The following HPSE2 variants were observed in gnomAD, a reference collection of about 807,000 sequenced individuals.
The protein encoded by HPSE2 is heparanase 2 (inactive).
Under a neutral mutation model 60.5 loss-of-function variants are expected in HPSE2, and 38 were observed. The observed-to-expected ratio is 0.63, with a 90% CI of 0.48 to 0.82. HPSE2 has a LOEUF of 0.82. Among genes scored for constraint, HPSE2 ranks in the 40% least tolerant of loss-of-function variants. The probability of loss-of-function intolerance (pLI) is 0.00; values close to 1 mark genes in which losing one functional copy is unlikely to be tolerated. For synonymous variants in HPSE2, 295 were observed against 293.2 expected, an observed-to-expected ratio of 1.01 and a Z score of -0.06; for missense variants, 713 against 740.4, an observed-to-expected ratio of 0.96 and a Z score of 0.43.
chr10:99,171,786 G>A (rs1381486323), intron 2 of HPSE2, among the ~76,000 whole-genome samples: 2 of 151,932 alleles, frequency 1.3e-5, no homozygotes, highest in Non-Finnish European at 2.9e-5. Flanking sequence ...CTTGGATTAT[G>A]GCATCAATAG....
chr10:98,579,186 G>A (rs1314617981), intron 9 of HPSE2, among the ~76,000 whole-genome samples: 1 of 152,098 alleles, frequency 6.6e-6, no homozygotes, highest in African/African-American at 2.4e-5. Flanking sequence ...AGTCCCATAA[G>A]TAAAGAAGGA....
chr10:99,040,981 G>A (rs544459590), intron 3 of HPSE2, among the ~76,000 whole-genome samples: 4 of 152,052 alleles, frequency 2.6e-5, no homozygotes, highest in South Asian at 2.1e-4. Context: ...CAGCTACTCC[G>A]GAGGCCGAGG....
chr10:98,615,145 A>G (rs1238721253), intron 8 of HPSE2, 127 bp from the exon 9 acceptor site: 2 of 697,854 alleles, frequency 2.9e-6, no homozygotes, highest in African/African-American at 3.6e-5. Flanking sequence ...CTAGTACTTT[A>G]AAAAGGGTTA....
chr10:98,721,819 T>C lies in HPSE2; in HGVS notation c.794A>G (p.Asn265Ser), dbSNP rs1262932417. 7 of 1,613,376 alleles carry C rather than the reference T, an allele frequency of 4.3e-6. No individual in the cohort carries two copies. The highest frequency in any genetic ancestry group is 1.7e-5 in the Admixed American group (1 of 59,926). Residue 265 changes from asparagine (N) to serine (S), a missense_variant, in exon 5 of 12, where the codon AAC (asparagine) becomes AGC (serine). Coordinates refer to ENST00000370552, the MANE Select transcript of HPSE2 (RefSeq NM_021828.5). ...ISWELGNEPNNYRTMHGRAVN... is the reference protein window; with the variant it reads ...ISWELGNEPNSYRTMHGRAVN... The stretch of plus-strand genomic sequence containing the variant: ...TGCCCGGCCATGCATGGTCCGATAG[T>C]TATTTGGCTCTAGATTAAAAGCAGA...
Position 98,982,386 on chromosome 10 carries a change from T to C in HPSE2, c.610+161852A>G, listed in dbSNP as rs138090441. On this transcript the variant is annotated intron_variant, in intron 3 of 11. Coordinates refer to ENST00000370552, the MANE Select transcript of HPSE2 (RefSeq NM_021828.5). ...GGAAGATCTAGGGGTAACAGAAAGC[T>C]TTATAAAGAAAGTTTTATAAACTCA... 1.8e-3 allele frequency among the ~76,000 whole-genome samples: 274 copies of C among 152,326 alleles called. 3 individuals are homozygous for C. The highest frequency in any genetic ancestry group is 6.5e-3 in the African/African-American group (270 of 41,572).
intron 3 of HPSE2, among the ~76,000 whole-genome samples, chr10:99,041,095 A>T (rs1957729632): frequency 6.6e-6 from 1 of 152,128 alleles, no homozygotes; most frequent in African/African-American, 2.4e-5. Flanking sequence ...TCAAAAAAAA[A>T]AAAAAATTGC....
chr10:99,053,029 T>C (rs1413100221), intron 3 of HPSE2, among the ~76,000 whole-genome samples: 4 of 118,278 alleles, frequency 3.4e-5, no homozygotes, highest in Non-Finnish European at 6.1e-5. Flanking sequence ...CCATCTTTTA[T>C]TAATTTCTTG....
At chr10:98,812,558 C>T (rs1951192994) in intron 3 of HPSE2, among the ~76,000 whole-genome samples, 1 of 152,090 alleles carries the variant, frequency 6.6e-6, no homozygotes, top group South Asian at 2.1e-4. Flanking sequence ...AAGCAAGGCA[C>T]ATATGTAATT....
chr10:99,165,110 T>G (rs1265999643), intron 2 of HPSE2, among the ~76,000 whole-genome samples: 5 of 148,872 alleles, frequency 3.4e-5, no homozygotes, highest in Non-Finnish European at 6.0e-5. Context: ...AAAAAAGAAT[T>G]CATTTTAGCA....
Position 98,937,381 on chromosome 10 carries a change from C to G in HPSE2, c.611-193325G>C, listed in dbSNP as rs1487881240. Among the ~76,000 whole-genome samples, 14 of 144,682 alleles carry G rather than the reference C, an allele frequency of 9.7e-5. 3 individuals are homozygous for G. The highest frequency in any genetic ancestry group is 3.9e-4 in the African/African-American group (14 of 35,918). The allele number at this position is 144,682 out of a possible 152,430, so 94.9% of individuals were successfully genotyped here. A position where few individuals can be genotyped will look rare whatever the true frequency, so the allele number is the denominator to read the frequency against. On this transcript the variant is annotated intron_variant, in intron 3 of 11. Transcript: ENST00000370552. ...ACCTGGAAATTCGGGTCACTCCCAC[C>G]CTAATACTGCGCTTTTCCGACAGGC...
the HPSE2 span, among the ~76,000 whole-genome samples, chr10:99,294,409 T>TA: frequency 6.8e-6 from 1 of 146,578 alleles, no homozygotes; most frequent in African/African-American, 2.5e-5. Flanking sequence ...TATAAATATA[T>TA]AATATATACA....
At chr10:98,527,709 G>C (rs1472728536) in intron 9 of HPSE2, among the ~76,000 whole-genome samples, 1 of 152,158 alleles carries the variant, frequency 6.6e-6, no homozygotes, top group Non-Finnish European at 1.5e-5. Flanking sequence ...TGAGCTCCTT[G>C]AGAGTAAGAG....
chr10:99,021,911 C>T (rs1334176923), intron 3 of HPSE2, among the ~76,000 whole-genome samples: 2 of 150,960 alleles, frequency 1.3e-5, no homozygotes, highest in Non-Finnish European at 2.9e-5. Context: ...TATTATTATA[C>T]TTTAAGTTTT....
intron 3 of HPSE2, among the ~76,000 whole-genome samples, chr10:98,894,595 G>A (rs1953431031): frequency 6.6e-6 from 1 of 151,802 alleles, no homozygotes; most frequent in Admixed American, 6.6e-5. Flanking sequence ...TGCATAGAAA[G>A]TCAAAGATAT....
At chr10:99,298,847 G>A in the HPSE2 span, among the ~76,000 whole-genome samples, 6 of 152,006 alleles carry the variant, frequency 3.9e-5, no homozygotes, top group African/African-American at 1.2e-4. Flanking sequence ...GCTAATTTTT[G>A]TATTTTTAGT....
At chr10:99,236,836 A>G (rs1056736500), upstream of HPSE2, among the ~76,000 whole-genome samples, 53 of 152,040 alleles carry the variant, frequency 3.5e-4, no homozygotes, top group African/African-American at 1.3e-3. Flanking sequence ...TCTGCGTCCA[A>G]CTGTGCCACT....
intron 3 of HPSE2, among the ~76,000 whole-genome samples, chr10:98,807,652 T>A (rs1332493283): frequency 1.3e-5 from 2 of 152,214 alleles, no homozygotes; most frequent in Admixed American, 1.3e-4. Context: ...CAAGTTTTAT[T>A]TGGAGGATTT....
intron 3 of HPSE2, among the ~76,000 whole-genome samples, chr10:99,110,849 C>T (rs1362355480): frequency 6.6e-6 from 1 of 152,152 alleles, no homozygotes; most frequent in East Asian, 1.9e-4. Context: ...ATGTTGTCAT[C>T]TATATTTTCT....
At chr10:98,738,930 T>C (rs1440752604) in intron 4 of HPSE2, among the ~76,000 whole-genome samples, 1 of 152,192 alleles carries the variant, frequency 6.6e-6, no homozygotes, top group East Asian at 1.9e-4. Context: ...CTCAAGGATC[T>C]AGAATTAGAA....
Sources: allele counts gnomAD v4.1 joint callset (sites outside exome capture counted in the v4.1 genomes callset), GRCh38; gene constraint gnomAD v4.1.1; transcripts MANE v1.5; gene names NCBI Gene and HGNC (gene_info 2026-07-23, HGNC 2026-07-21).